The following OXR1 variants were observed in gnomAD, a reference collection of about 807,000 sequenced individuals.
The protein encoded by OXR1 is oxidation resistance 1.
Under a neutral mutation model 104.6 loss-of-function variants are expected in OXR1, and 41 were observed. The ratio of observed to expected loss-of-function variants is 0.39; its 90% CI spans 0.31 to 0.51. The LOEUF is 0.51. Ranked by LOEUF, OXR1 falls within the 20% of genes least tolerant of loss-of-function variation. The pLI is 0.77. For missense variants in OXR1, 955 were observed against 1,031.9 expected, an observed-to-expected ratio of 0.93 and a Z score of 1.02; for synonymous variants, 348 against 348.4, an observed-to-expected ratio of 1.00 and a Z score of 0.01.
At chr8:106,483,798 C>A (rs938707292) in intron 2 of OXR1, among the ~76,000 whole-genome samples, 2 of 151,998 alleles carry the variant, frequency 1.3e-5, no homozygotes, top group Non-Finnish European at 2.9e-5. Flanking sequence ...TCATTATAAG[C>A]TAAGGGAGAC....
chr8:106,632,840 G>T (rs185265418), intron 3 of OXR1, among the ~76,000 whole-genome samples: 1 of 152,338 alleles, frequency 6.6e-6, no homozygotes, highest in African/African-American at 2.4e-5. Flanking sequence ...TCAGGAGGCT[G>T]AGGTGGGAGG....
At chr8:106,300,640 T>C (rs1383861097) in intron 1 of OXR1, among the ~76,000 whole-genome samples, 4 of 152,156 alleles carry the variant, frequency 2.6e-5, no homozygotes, top group African/African-American at 4.8e-5. Context: ...ATTCAATGAC[T>C]CATGTGTGGC....
At chr8:106,519,193 T>A in intron 3 of OXR1, 54 bp downstream of exon 3, 1 of 1,270,752 alleles carries the variant, frequency 7.9e-7, no homozygotes, top group Non-Finnish European at 1.1e-6. Context: ...CTAAATGGCA[T>A]TGAGAATTTC....
chr8:106,745,107 G>C (rs569455446), intron 15 of OXR1, among the ~76,000 whole-genome samples: 20 of 152,216 alleles, frequency 1.3e-4, no homozygotes, highest in Non-Finnish European at 2.2e-4. Flanking sequence ...CTAAAAGAAA[G>C]TTTTATTGAA....
At chr8:106,589,076 T>C (rs1818873700) in intron 3 of OXR1, among the ~76,000 whole-genome samples, 1 of 152,056 alleles carries the variant, frequency 6.6e-6, no homozygotes, top group Non-Finnish European at 1.5e-5. Flanking sequence ...ACTGCTTCAC[T>C]TTTGGGGCAG....
intron 2 of OXR1, among the ~76,000 whole-genome samples, chr8:106,481,843 A>T (rs2167801): frequency 0.67 from 101,828 of 151,906 alleles, 34,593 homozygotes; most frequent in Non-Finnish European, 0.72. Flanking sequence ...AGCATCTTCC[A>T]CCTAATAGTG....
At chr8:106,690,596 T>C (rs1429019764) in intron 6 of OXR1, among the ~76,000 whole-genome samples, 2 of 151,316 alleles carry the variant, frequency 1.3e-5, no homozygotes, top group African/African-American at 4.8e-5. Context: ...TTTTCCTAGA[T>C]TCCAGATGGA....
intron 2 of OXR1, among the ~76,000 whole-genome samples, chr8:106,440,071 T>G (rs16874645): frequency 1.3e-5 from 2 of 151,986 alleles, no homozygotes; most frequent in African/African-American, 2.4e-5. Context: ...TGGAAAAAAG[T>G]CTGCTCCATA....
At chr8:106,371,449 T>C (rs1816703637) in intron 2 of OXR1, among the ~76,000 whole-genome samples, 1 of 152,180 alleles carries the variant, frequency 6.6e-6, no homozygotes, top group South Asian at 2.1e-4. Flanking sequence ...TTGGATTAGT[T>C]TGCTCTTGCC....
At chr8:106,639,935 TAATCA>T (rs1823490207) in intron 3 of OXR1, among the ~76,000 whole-genome samples, 1 of 152,164 alleles carries the variant, frequency 6.6e-6, no homozygotes, top group South Asian at 2.1e-4. Context: ...AAGGTAAGTA[TAATCA>T]AGGTAGTCAC....
In OXR1 at chr8:106,496,393, A is replaced by G. The variant is rs144522120; in HGVS notation, c.24-22550A>G. On this transcript the variant is annotated intron_variant, in intron 2 of 16. Transcript: ENST00000517566. ...CTTTTGTAAACAAACAATTAAAAAA[A>G]ACAGCCTCAAATCTCAGTAGTGTAA... Among the ~76,000 whole-genome samples the G allele has an allele frequency of 2.1e-3, 315 of 152,362 alleles. 1 individual carries two copies. The highest frequency in any genetic ancestry group is 7.4e-3 in the African/African-American group (306 of 41,590).
At chr8:106,457,358 C>T (rs904965347) in intron 2 of OXR1, among the ~76,000 whole-genome samples, 1 of 151,978 alleles carries the variant, frequency 6.6e-6, no homozygotes, top group Non-Finnish European at 1.5e-5. Context: ...GTTGCTGGCA[C>T]CTTGATATTG....
At chr8:106,302,595 A>C (rs1457441470) in intron 1 of OXR1, among the ~76,000 whole-genome samples, 10 of 151,518 alleles carry the variant, frequency 6.6e-5, no homozygotes, top group Admixed American at 1.3e-4. Flanking sequence ...CAAAAAAAAA[A>C]AAAACAAGAA....
chr8:106,675,960 C>T (rs12548869), intron 3 of OXR1, among the ~76,000 whole-genome samples: 1 of 152,072 alleles, frequency 6.6e-6, no homozygotes, highest in East Asian at 1.9e-4. Context: ...CTTTATGAAT[C>T]TGAGTGCTCC....
chr8:106,715,238 C>T (rs908836908), intron 11 of OXR1, among the ~76,000 whole-genome samples: 5 of 151,698 alleles, frequency 3.3e-5, no homozygotes, highest in South Asian at 2.1e-4. Flanking sequence ...TTCATTTACA[C>T]GAAGTTCAAA....
At chr8:106,652,175 G>A (rs903072940) in intron 3 of OXR1, among the ~76,000 whole-genome samples, 2 of 152,056 alleles carry the variant, frequency 1.3e-5, no homozygotes, top group African/African-American at 4.8e-5. Flanking sequence ...AAGTGCCATA[G>A]AAATAGGGAC....
At chr8:106,303,380 A>C (rs1031634768) in intron 1 of OXR1, among the ~76,000 whole-genome samples, 2 of 149,150 alleles carry the variant, frequency 1.3e-5, no homozygotes, top group African/African-American at 2.5e-5. Context: ...CAGCCTCCCG[A>C]GTAGCCCGCC....
chr8:106,478,579 G>T (rs773205937), intron 2 of OXR1, among the ~76,000 whole-genome samples: 1 of 151,754 alleles, frequency 6.6e-6, no homozygotes, highest in African/African-American at 2.4e-5. Flanking sequence ...GGCTGGTAGA[G>T]AATTTTTTGT....
intron 3 of OXR1, chr8:106,604,821 A>G (rs1242610693): frequency 2.0e-5 from 3 of 152,198 alleles, no homozygotes; most frequent in African/African-American, 7.2e-5. Flanking sequence ...CCTGAAGGTT[A>G]TACTAAGAAG....
Sources: allele counts gnomAD v4.1 joint callset (sites outside exome capture counted in the v4.1 genomes callset), GRCh38; gene constraint gnomAD v4.1.1; transcripts MANE v1.5; gene names NCBI Gene and HGNC (gene_info 2026-07-23, HGNC 2026-07-21).